The following LRRTM4 variants were observed in gnomAD, a reference collection of about 807,000 sequenced individuals.
LRRTM4 encodes leucine-rich repeat transmembrane neuronal protein 4.
A neutral mutation model predicts 47.6 loss-of-function variants in LRRTM4; 25 were observed. That is an observed-to-expected ratio of 0.53 (90% CI 0.38 to 0.73). The LOEUF (loss-of-function observed/expected upper bound fraction) is 0.73, where lower values mean the gene tolerates loss of function less well. Among genes scored for constraint, LRRTM4 ranks in the 30% least tolerant of loss-of-function variants. The probability of loss-of-function intolerance (pLI) is 0.00; values close to 1 mark genes in which losing one functional copy is unlikely to be tolerated. For missense variants in LRRTM4, 638 were observed against 713.4 expected, an observed-to-expected ratio of 0.89 and a Z score of 1.20; for synonymous variants, 311 against 269.5, an observed-to-expected ratio of 1.15 and a Z score of -1.51.
At chr2:76,844,159 G>A (rs1213140649) in intron 3 of LRRTM4, among the ~76,000 whole-genome samples, 1 of 150,950 alleles carries the variant, frequency 6.6e-6, no homozygotes, top group Non-Finnish European at 1.5e-5. Context: ...CCTCAAGACA[G>A]ACTCTCACGC....
intron 3 of LRRTM4, among the ~76,000 whole-genome samples, chr2:76,924,063 A>G (rs1327841295): frequency 6.6e-6 from 1 of 152,090 alleles, no homozygotes; most frequent in African/African-American, 2.4e-5. Context: ...CATTTCTTAA[A>G]TATACTGGCT....
At chr2:76,768,446 T>C (rs1248833843) in intron 3 of LRRTM4, among the ~76,000 whole-genome samples, 2 of 152,124 alleles carry the variant, frequency 1.3e-5, no homozygotes, top group East Asian at 3.9e-4. Context: ...GTTTAAAGCA[T>C]GCAAAAGAAC....
chr2:77,092,431 C>G (rs971114609), intron 3 of LRRTM4, among the ~76,000 whole-genome samples: 1 of 147,680 alleles, frequency 6.8e-6, no homozygotes, highest in Non-Finnish European at 1.5e-5. Context: ...AAGCCACTAG[C>G]CTGCCTCTTA....
intron 3 of LRRTM4, among the ~76,000 whole-genome samples, chr2:77,221,454 G>A (rs1323396284): frequency 1.3e-5 from 2 of 152,134 alleles, no homozygotes; most frequent in East Asian, 3.9e-4. Flanking sequence ...CTGTATTCAG[G>A]AAACCCATCT....
At chr2:77,469,628 A>G (rs767150202) in intron 3 of LRRTM4, among the ~76,000 whole-genome samples, 1 of 152,202 alleles carries the variant, frequency 6.6e-6, no homozygotes, top group Admixed American at 6.5e-5. Context: ...ATTTTAAGAA[A>G]GCGAGATGAT....
chr2:77,323,655 C>A (rs1217853852), intron 3 of LRRTM4, among the ~76,000 whole-genome samples: 2 of 152,086 alleles, frequency 1.3e-5, no homozygotes, highest in Non-Finnish European at 2.9e-5. Flanking sequence ...GCTAAGGAAA[C>A]AGATTTGGAG....
At chr2:76,930,906 T>C (rs2103833599) in intron 3 of LRRTM4, among the ~76,000 whole-genome samples, 1 of 152,318 alleles carries the variant, frequency 6.6e-6, no homozygotes, top group Non-Finnish European at 1.5e-5. Flanking sequence ...TTCTTTATAA[T>C]TTTCTAGATG....
rs1672583523 is a variant in LRRTM4 at position 76,870,189 on chromosome 2, T to C, written c.1552-121273A>G. Among the ~76,000 whole-genome samples the C allele has an allele frequency of 6.6e-5, 10 of 152,312 alleles. No homozygotes were observed. The South Asian group carries it at 1.9e-3, about 28-fold the overall frequency. On this transcript the variant is annotated intron_variant, in intron 3 of 3. Coordinates refer to ENST00000409884, the MANE Select transcript of LRRTM4 (RefSeq NM_001134745.3). Reference sequence around the variant, plus strand: ...AAGCCCTCCACTGTTTCCTGCTTGCTCAGCATTTTTGCATACCAGTGCCTT... The same window carrying C: ...AAGCCCTCCACTGTTTCCTGCTTGCCCAGCATTTTTGCATACCAGTGCCTT...
At chr2:77,217,572 T>C (rs1212857254) in intron 3 of LRRTM4, among the ~76,000 whole-genome samples, 5 of 150,918 alleles carry the variant, frequency 3.3e-5, no homozygotes, top group Non-Finnish European at 7.4e-5. Context: ...GAAGTGTCAA[T>C]GCAAACATGG....
intron 3 of LRRTM4, among the ~76,000 whole-genome samples, chr2:76,979,489 C>T (rs879345792): frequency 1.3e-4 from 19 of 144,952 alleles, no homozygotes; most frequent in African/African-American, 1.9e-4. Flanking sequence ...AGCAGAGATA[C>T]GTGACAGCAC....
chr2:77,015,139 G>A (rs944015571), intron 3 of LRRTM4, among the ~76,000 whole-genome samples: 1 of 151,976 alleles, frequency 6.6e-6, no homozygotes, highest in African/African-American at 2.4e-5. Context: ...TTTTTTCCCT[G>A]TGCATAGCAG....
At chr2:77,066,618 C>G (rs949006101) in intron 3 of LRRTM4, among the ~76,000 whole-genome samples, 2 of 152,122 alleles carry the variant, frequency 1.3e-5, no homozygotes, top group African/African-American at 4.8e-5. Flanking sequence ...GAAAAAAGAT[C>G]AAAGGCCCTT....
At chr2:77,070,582 G>A (rs569707491) in intron 3 of LRRTM4, among the ~76,000 whole-genome samples, 3 of 152,042 alleles carry the variant, frequency 2.0e-5, no homozygotes, top group South Asian at 2.1e-4. Context: ...CTAAGATATT[G>A]TATCTTTTTT....
chr2:77,394,791 G>A (rs1193448656), intron 3 of LRRTM4, among the ~76,000 whole-genome samples: 3 of 151,924 alleles, frequency 2.0e-5, no homozygotes, highest in Admixed American at 6.6e-5. Flanking sequence ...GCAGGAACAC[G>A]AAGGCATTCA....
intron 3 of LRRTM4, among the ~76,000 whole-genome samples, chr2:77,440,596 T>C (rs1295701951): frequency 6.6e-6 from 1 of 152,222 alleles, no homozygotes; most frequent in East Asian, 1.9e-4. Flanking sequence ...GAAAACTCAG[T>C]AGCTTCTGAC....
At chr2:77,336,923 A>G (rs1386123229) in intron 3 of LRRTM4, among the ~76,000 whole-genome samples, 9 of 152,156 alleles carry the variant, frequency 5.9e-5, no homozygotes, top group Non-Finnish European at 1.3e-4. Flanking sequence ...GAAGAAGTCA[A>G]ATTATGTGTC....
At chr2:77,292,144 G>A (rs1676841833) in intron 3 of LRRTM4, among the ~76,000 whole-genome samples, 1 of 151,546 alleles carries the variant, frequency 6.6e-6, no homozygotes, top group African/African-American at 2.4e-5. Flanking sequence ...AAACCACAAT[G>A]AGATACCATC....
At chr2:77,008,956 A>C (rs1677767232) in intron 3 of LRRTM4, 1 of 151,672 alleles carries the variant, frequency 6.6e-6, no homozygotes, top group Admixed American at 6.6e-5. Flanking sequence ...AGAAAAGAAA[A>C]AAAAAACGAT....
chr2:77,497,357 GT>G (rs5832286), intron 3 of LRRTM4, among the ~76,000 whole-genome samples: 4 of 148,722 alleles, frequency 2.7e-5, no homozygotes, highest in Non-Finnish European at 4.5e-5. Flanking sequence ...GATTTGCTCT[GT>G]TTTTTTTTAG....
Sources: allele counts gnomAD v4.1 joint callset (sites outside exome capture counted in the v4.1 genomes callset), GRCh38; gene constraint gnomAD v4.1.1; transcripts MANE v1.5; gene names NCBI Gene and HGNC (gene_info 2026-07-23, HGNC 2026-07-21).